The following ANO3 variants were observed in gnomAD, a reference collection of about 807,000 sequenced individuals.
ANO3 encodes anoctamin 3.
ANO3 carries 99 observed loss-of-function variants against 144.8 expected under a neutral mutation model. The observed-to-expected ratio is 0.68, with a 90% CI of 0.58 to 0.81. ANO3 has a LOEUF of 0.81. Among genes scored for constraint, ANO3 ranks in the 30% least tolerant of loss-of-function variants. The probability of loss-of-function intolerance (pLI) is 0.00; values close to 1 mark genes in which losing one functional copy is unlikely to be tolerated. For synonymous variants in ANO3, 414 were observed against 392.6 expected, an observed-to-expected ratio of 1.05 and a Z score of -0.64; for missense variants, 905 against 1,202.2, an observed-to-expected ratio of 0.75 and a Z score of 3.66.
At chr11:26,644,907 A>G (rs1853294211) in intron 23 of ANO3, among the ~76,000 whole-genome samples, 1 of 152,114 alleles carries the variant, frequency 6.6e-6, no homozygotes, top group Non-Finnish European at 1.5e-5. Flanking sequence ...ACATATATAT[A>G]TAAACAGAGA....
At chr11:26,543,987 A>G (rs74874771) in intron 11 of ANO3, among the ~76,000 whole-genome samples, 7,982 of 151,792 alleles carry the variant, frequency 0.053, 266 homozygotes, top group Admixed American at 0.095. Flanking sequence ...TCTTAGTCTG[A>G]TGATCACAAG....
rs1387529563 is a variant in ANO3, at chr11:26,660,326, A to G, written c.2828A>G (p.His943Arg). Residue 943 changes from histidine (H) to arginine (R), a missense_variant, in exon 27 of 27, where the codon CAT becomes CGT. Physicochemically the swap from His to Arg is conservative, Grantham distance 29. Coordinates refer to ENST00000256737, the MANE Select transcript of ANO3 (RefSeq NM_031418.4). ...YLIPDVPKGLHDRIRREKYLV... is the reference protein window; with the variant it reads ...YLIPDVPKGLRDRIRREKYLV... Reference sequence around the variant, plus strand: ...ATTCCAGACGTACCAAAGGGTCTACATGACCGAATACGACGAGAGAAGTAC... The same window carrying G: ...ATTCCAGACGTACCAAAGGGTCTACGTGACCGAATACGACGAGAGAAGTAC... 2 of 1,613,614 alleles carry G rather than the reference A, an allele frequency of 1.2e-6. No individual in the cohort carries two copies. The highest frequency in any genetic ancestry group is 1.7e-5 in the Admixed American group (1 of 59,948).
At chr11:26,384,050 A>C (rs2133953561) in intron 1 of ANO3, among the ~76,000 whole-genome samples, 1 of 151,444 alleles carries the variant, frequency 6.6e-6, no homozygotes. Context: ...GGCGCGTGCC[A>C]CCATAACCCG....
intron 1 of ANO3, among the ~76,000 whole-genome samples, chr11:26,338,316 T>C (rs564846861): frequency 1.3e-5 from 2 of 152,186 alleles, no homozygotes; most frequent in African/African-American, 4.8e-5. Context: ...AGCTAAAGGT[T>C]TGTAAACGCA....
chr11:26,622,448 A>AAC (rs1852446470), intron 17 of ANO3, among the ~76,000 whole-genome samples: 1 of 151,214 alleles, frequency 6.6e-6, no homozygotes, highest in South Asian at 2.1e-4. Context: ...AAAAAAGAAA[A>AAC]GAAAATGAGC....
At chr11:26,365,259 G>A (rs1052234266) in intron 1 of ANO3, among the ~76,000 whole-genome samples, 2 of 152,198 alleles carry the variant, frequency 1.3e-5, no homozygotes, top group Admixed American at 6.5e-5. Flanking sequence ...CTGCAGCTTT[G>A]TGGAGTTCAG....
upstream of ANO3, among the ~76,000 whole-genome samples, chr11:26,306,909 C>A (rs1417174482): frequency 6.6e-6 from 1 of 152,060 alleles, no homozygotes; most frequent in African/African-American, 2.4e-5. Context: ...TAATGTTACC[C>A]ATATATTCTA....
rs537177631 is a variant in ANO3 at position 26,655,473 on chromosome 11, C to T, written c.2577-652C>T. Among the ~76,000 whole-genome samples, 14 of 152,144 alleles carry T rather than the reference C, an allele frequency of 9.2e-5. 1 individual carries two copies. The South Asian group carries it at 2.1e-3, about 23-fold the overall frequency. On this transcript the variant is annotated intron_variant, in intron 24 of 26. Transcript: ENST00000256737. Reference sequence around the variant, plus strand: ...TCTTTAAAAACTTGATTTTTGTTACCGTAGGAATGCTGACTTAACAATATC... The same window carrying T: ...TCTTTAAAAACTTGATTTTTGTTACTGTAGGAATGCTGACTTAACAATATC...
At chr11:26,432,052 A>C (rs1300668177) in intron 1 of ANO3, among the ~76,000 whole-genome samples, 1 of 152,202 alleles carries the variant, frequency 6.6e-6, no homozygotes, top group East Asian at 1.9e-4. Flanking sequence ...TTTTCTCCAC[A>C]ACCTTTCCAG....
At chr11:26,443,900 TA>T (rs1024726830) in intron 3 of ANO3, 64 bp downstream of exon 3, 37 of 1,100,040 alleles carry the variant, frequency 3.4e-5, no homozygotes, top group Middle Eastern at 4.1e-4. Context: ...TGTGTTCTTC[TA>T]AAAAAAACTA....
intron 6 of ANO3, among the ~76,000 whole-genome samples, chr11:26,523,237 T>A (rs1036500179): frequency 6.6e-6 from 1 of 152,122 alleles, no homozygotes; most frequent in Non-Finnish European, 1.5e-5. Context: ...CCTCAACACC[T>A]GGGGATTACA....
chr11:26,318,527 C>T (rs994217866), intron 1 of ANO3, among the ~76,000 whole-genome samples: 1 of 152,134 alleles, frequency 6.6e-6, no homozygotes, highest in Non-Finnish European at 1.5e-5. Context: ...TAGGACTAAT[C>T]GGTAGGGAGA....
chr11:26,294,664 A>G (rs1226500179), intron 1 of ANO3, among the ~76,000 whole-genome samples: 2 of 152,154 alleles, frequency 1.3e-5, no homozygotes, highest in African/African-American at 4.8e-5. Context: ...TCCATCACCT[A>G]CACAGTGACT....
chr11:26,250,423 T>G (rs141035883), intron 1 of ANO3, among the ~76,000 whole-genome samples: 215 of 152,330 alleles, frequency 1.4e-3, no homozygotes, highest in African/African-American at 4.9e-3. Context: ...CCATATCTAT[T>G]TATTTCCAAT....
At chr11:26,602,046 G>A (rs966003535) in intron 17 of ANO3, among the ~76,000 whole-genome samples, 2 of 152,116 alleles carry the variant, frequency 1.3e-5, no homozygotes, top group Non-Finnish European at 2.9e-5. Context: ...CACGTGAAAT[G>A]GGATGGTACG....
chr11:26,465,124 TTGTG>T (rs36230269), intron 4 of ANO3, among the ~76,000 whole-genome samples: 39,013 of 145,168 alleles, frequency 0.27, 5,477 homozygotes, highest in East Asian at 0.56. Flanking sequence ...CATCATTAAA[TTGTG>T]TGTGTGTGTG....
At chr11:26,269,168 C>T (rs1021640960) in intron 1 of ANO3, among the ~76,000 whole-genome samples, 7 of 152,188 alleles carry the variant, frequency 4.6e-5, no homozygotes, top group African/African-American at 1.7e-4. Context: ...CAGGACTCAG[C>T]TCCCTCCACC....
At chr11:26,644,919 G>T (rs907126919) in intron 23 of ANO3, among the ~76,000 whole-genome samples, 1 of 151,584 alleles carries the variant, frequency 6.6e-6, no homozygotes, top group Admixed American at 6.6e-5. Flanking sequence ...AAACAGAGAT[G>T]CTGGTTTTCA....
chr11:26,397,676 C>A (rs1032528605), intron 1 of ANO3, among the ~76,000 whole-genome samples: 4 of 151,980 alleles, frequency 2.6e-5, no homozygotes, highest in African/African-American at 7.2e-5. Flanking sequence ...TCTTCTCAAA[C>A]GTTTATCATT....
Sources: allele counts gnomAD v4.1 joint callset (sites outside exome capture counted in the v4.1 genomes callset), GRCh38; gene constraint gnomAD v4.1.1; transcripts MANE v1.5; gene names NCBI Gene and HGNC (gene_info 2026-07-23, HGNC 2026-07-21).